DHRSX: variants seen among roughly 807,000 people sequenced by gnomAD.
DHRSX encodes dehydrogenase/reductase X-linked, also known as polyprenol dehydrogenase.
Under a neutral mutation model 34.0 loss-of-function variants are expected in DHRSX, and 31 were observed. That is an observed-to-expected ratio of 0.91 (90% CI 0.69 to 1.23). The LOEUF (loss-of-function observed/expected upper bound fraction) is 1.23, where lower values mean the gene tolerates loss of function less well. Among genes scored for constraint, DHRSX ranks in the 50% most tolerant of loss-of-function variants. DHRSX has a pLI of 0.00. For synonymous variants in DHRSX, 201 were observed against 183.8 expected (o/e 1.09, Z -0.76); for missense variants, 414 against 428.1 (o/e 0.97, Z 0.29).
intron 5 of DHRSX, among the ~76,000 whole-genome samples, chrX:2,249,968 C>T (rs1328653853): frequency 6.6e-6 from 1 of 151,650 alleles, no homozygotes; most frequent in Non-Finnish European, 1.5e-5. Flanking sequence ...TCGAGACCAT[C>T]CTGGCTAACA....
At chrX:2,240,534 T>C in intron 6 of DHRSX, among the ~76,000 whole-genome samples, 1 of 150,828 alleles carries the variant, frequency 6.6e-6, no homozygotes, top group Admixed American at 6.6e-5. Flanking sequence ...ATTCCAAAGC[T>C]TGATGAAACA....
intron 3 of DHRSX, among the ~76,000 whole-genome samples, chrX:2,387,541 G>C (rs2043285801): frequency 6.6e-6 from 1 of 152,000 alleles, no homozygotes; most frequent in African/African-American, 2.4e-5. Flanking sequence ...GACCAGTCTA[G>C]TCTTTTCATG....
In DHRSX at chrX:2,336,865, AT is replaced by A. The variant is rs1272810533; in HGVS notation, c.287-45263del. Reference sequence around the variant, plus strand: ...TAGATAGATATAGATAGATAGATTTATTTTACTTTAAGTTGCAAGATACATA... The same window carrying A: ...TAGATAGATATAGATAGATAGATTTATTTACTTTAAGTTGCAAGATACATA... On this transcript the variant is annotated intron_variant, in intron 3 of 6. Coordinates refer to ENST00000334651, the MANE Select transcript of DHRSX (RefSeq NM_145177.3). Among the ~76,000 whole-genome samples, 29 of 151,182 alleles carry A rather than the reference AT, an allele frequency of 1.9e-4. No individual in the cohort carries two copies. In the South Asian group the frequency reaches 5.5e-3, roughly 29 times the overall value.
chrX:2,445,062 C>T (rs1236030685), intron 1 of DHRSX, among the ~76,000 whole-genome samples: 13 of 151,918 alleles, frequency 8.6e-5, no homozygotes, highest in African/African-American at 1.7e-4. Context: ...GAGGCTGAGG[C>T]GGGGGAATTG....
At chrX:2,225,936 G>A (rs2015649359) in intron 6 of DHRSX, among the ~76,000 whole-genome samples, 1 of 151,452 alleles carries the variant, frequency 6.6e-6, no homozygotes, top group Non-Finnish European at 1.5e-5. Flanking sequence ...GAGGAGATGA[G>A]GAGAAAACAG....
chrX:2,422,541 A>G (rs540941227), intron 2 of DHRSX, among the ~76,000 whole-genome samples: 4 of 152,252 alleles, frequency 2.6e-5, no homozygotes, highest in East Asian at 3.9e-4. Flanking sequence ...GATTACAGGC[A>G]TGAGCCACTG....
At chrX:2,271,908 G>A (rs1396177650) in intron 4 of DHRSX, among the ~76,000 whole-genome samples, 2 of 152,070 alleles carry the variant, frequency 1.3e-5, no homozygotes, top group African/African-American at 4.8e-5. Context: ...GGGCGTGGTG[G>A]TGCATGCCTG....
intron 3 of DHRSX, among the ~76,000 whole-genome samples, chrX:2,337,619 C>T (rs1272896218): frequency 6.6e-6 from 1 of 151,992 alleles, no homozygotes; most frequent in Non-Finnish European, 1.5e-5. Flanking sequence ...AGAAAAGGTG[C>T]ACCTCTTAGA....
intron 5 of DHRSX, among the ~76,000 whole-genome samples, chrX:2,255,040 C>T (rs1182390257): frequency 6.8e-6 from 1 of 146,340 alleles, no homozygotes; most frequent in Non-Finnish European, 1.5e-5. Context: ...TCTTGGCTTG[C>T]TGCAACTTCC....
chrX:2,496,932 A>AT (rs199780492), intron 1 of DHRSX, among the ~76,000 whole-genome samples: 7,157 of 150,646 alleles, frequency 0.048, 246 homozygotes, highest in Middle Eastern at 0.082. Flanking sequence ...TATTACATAC[A>AT]TTTTTGTATG....
chrX:2,236,106 C>T (rs1473263070), intron 6 of DHRSX, among the ~76,000 whole-genome samples: 6 of 151,368 alleles, frequency 4.0e-5, no homozygotes, highest in Non-Finnish European at 8.8e-5. Flanking sequence ...GGTGAGACTC[C>T]GTCTCAAAGA....
At chrX:2,246,720 G>GAAAGA (rs1397031152) in intron 5 of DHRSX, among the ~76,000 whole-genome samples, 5 of 102,870 alleles carry the variant, frequency 4.9e-5, no homozygotes, top group African/African-American at 1.3e-4. Flanking sequence ...AAGAAAGAAA[G>GAAAGA]AAAGAAAGAA....
At chrX:2,316,425 G>A (rs761946560) in intron 3 of DHRSX, among the ~76,000 whole-genome samples, 8 of 152,186 alleles carry the variant, frequency 5.3e-5, no homozygotes, top group South Asian at 4.1e-4. Flanking sequence ...GGTAGTGGGC[G>A]CCTGTAATCC....
intron 3 of DHRSX, among the ~76,000 whole-genome samples, chrX:2,357,073 G>A (rs149456175): frequency 0.023 from 3,516 of 152,046 alleles, 74 homozygotes; most frequent in Non-Finnish European, 0.037. Flanking sequence ...GTAAAACCCC[G>A]TCTCTACTGA....
At chrX:2,253,438 C>G (rs868625872) in intron 5 of DHRSX, among the ~76,000 whole-genome samples, 1 of 86,924 alleles carries the variant, frequency 1.2e-5, no homozygotes, top group Non-Finnish European at 2.7e-5. Flanking sequence ...GCCAAGATGT[C>G]GCGGCCGCAC....
intron 5 of DHRSX, among the ~76,000 whole-genome samples, chrX:2,248,203 G>A (rs1221747123): frequency 1.3e-5 from 2 of 152,074 alleles, no homozygotes; most frequent in Admixed American, 6.6e-5. Context: ...GGAGGCCAAG[G>A]TGGGCAGACC....
chrX:2,387,735 T>A (rs2043287702), intron 3 of DHRSX, among the ~76,000 whole-genome samples: 1 of 151,746 alleles, frequency 6.6e-6, no homozygotes, highest in East Asian at 1.9e-4. Flanking sequence ...AAGTTTACTC[T>A]AAGTATTAAT....
intron 1 of DHRSX, chrX:2,490,653 T>C (rs1223521112): frequency 6.2e-7 from 1 of 1,613,934 alleles, no homozygotes; most frequent in Non-Finnish European, 8.5e-7. Flanking sequence ...CACACCTTGC[T>C]CTTGGCGCGG....
intron 3 of DHRSX, among the ~76,000 whole-genome samples, chrX:2,346,289 A>G (rs1350973880): frequency 1.3e-5 from 2 of 152,090 alleles, no homozygotes; most frequent in African/African-American, 4.8e-5. Flanking sequence ...CTGACTGTGA[A>G]TCTCTTAGGA....
Sources: gnomAD v4.1 joint callset for allele counts (sites outside exome capture counted in the v4.1 genomes callset) on GRCh38, gnomAD v4.1.1 for gene constraint, MANE v1.5 for transcripts, NCBI Gene and HGNC (gene_info 2026-07-23, HGNC 2026-07-21) for gene names.